SLC12A6: variants seen among roughly 807,000 people sequenced by gnomAD.
The protein encoded by SLC12A6 is solute carrier family 12 member 6.
A neutral mutation model predicts 135.3 loss-of-function variants in SLC12A6; 66 were observed. That is an observed-to-expected ratio of 0.49 (90% CI 0.40 to 0.60). SLC12A6 has a LOEUF of 0.60. SLC12A6 is among the 20% of genes least tolerant of loss of function. SLC12A6 has a pLI of 0.00. For missense variants in SLC12A6, 1,058 were observed against 1,452.3 expected, an observed-to-expected ratio of 0.73 and a Z score of 4.41; for synonymous variants, 513 against 508.8, an observed-to-expected ratio of 1.01 and a Z score of -0.11.
rs1352579405 is a variant in SLC12A6 at position 34,245,345 on chromosome 15, G to A, written c.1883C>T (p.Ala628Val). The change falls in exon 15 of 26, where the codon GCC becomes GTC. Residue 628 changes from alanine (A) to valine (V), a missense_variant. Physicochemically the swap from Ala to Val is moderately conservative, Grantham distance 64. Coordinates refer to ENST00000354181, the MANE Select transcript of SLC12A6 (RefSeq NM_001365088.1). ...EPTWALLLTA[A>V]IAELGILIAS... ...AATGAGTATTCCAAGCTCTGCAATGGCAGCAGTTAGAAGTAAAGCCCAGGT... is the reference window on the plus strand; with the variant it reads ...AATGAGTATTCCAAGCTCTGCAATGACAGCAGTTAGAAGTAAAGCCCAGGT... The A allele has an allele frequency of 1.2e-6, 2 of 1,613,638 alleles. No homozygotes were observed. Among genetic ancestry groups the A allele is most frequent in the Admixed American group, 3.3e-5 (2 of 60,020 alleles).
intron 2 of SLC12A6, among the ~76,000 whole-genome samples, chr15:34,281,185 G>T (rs1333208936): frequency 6.6e-6 from 1 of 152,100 alleles, no homozygotes; most frequent in Non-Finnish European, 1.5e-5. Context: ...CAAATAGCTA[G>T]GAGGAGGATA....
At chr15:34,252,111 A>C in intron 10 of SLC12A6, 59 bp downstream of exon 10, 1 of 827,114 alleles carries the variant, frequency 1.2e-6, no homozygotes, top group East Asian at 2.6e-5. Flanking sequence ...ATCTAAGATG[A>C]CAAGGCCTAT....
At chr15:34,295,171 A>G (rs1396358554) in intron 2 of SLC12A6, among the ~76,000 whole-genome samples, 1 of 152,178 alleles carries the variant, frequency 6.6e-6, no homozygotes, top group Admixed American at 6.5e-5. Context: ...TCCATTTTAC[A>G]GGAAAGGCAA....
chr15:34,242,986 C>G (rs952597428), intron 16 of SLC12A6, among the ~76,000 whole-genome samples: 1 of 152,100 alleles, frequency 6.6e-6, no homozygotes, highest in Non-Finnish European at 1.5e-5. Flanking sequence ...CTCCGACTCC[C>G]GGGTTCAAGC....
chr15:34,312,841 T>C (rs1477619730), intron 2 of SLC12A6, among the ~76,000 whole-genome samples: 1 of 152,256 alleles, frequency 6.6e-6, no homozygotes, highest in South Asian at 2.1e-4. Flanking sequence ...ATTCTTACAA[T>C]ATTTCTAACT....
intron 2 of SLC12A6, among the ~76,000 whole-genome samples, chr15:34,280,216 G>A (rs1037472214): frequency 1.3e-5 from 2 of 152,160 alleles, no homozygotes; most frequent in African/African-American, 4.8e-5. Flanking sequence ...CTGGTATCTT[G>A]TAGCTAAAAC....
chr15:34,289,739 T>G (rs1225647627), intron 2 of SLC12A6, among the ~76,000 whole-genome samples: 1 of 152,228 alleles, frequency 6.6e-6, no homozygotes, highest in Non-Finnish European at 1.5e-5. Flanking sequence ...TTTATCCATT[T>G]CTTCTAGATT....
At chr15:34,337,301 G>C (rs893626059) in intron 1 of SLC12A6, 31 bp downstream of exon 1, 1 of 162,148 alleles carries the variant, frequency 6.2e-6, no homozygotes, top group Non-Finnish European at 1.4e-5. Context: ...GGTGGGAAAG[G>C]TGCACATGCA....
At chr15:34,248,558 A>AAACC (rs1892156363) in intron 13 of SLC12A6, among the ~76,000 whole-genome samples, 2 of 64,300 alleles carry the variant, frequency 3.1e-5, no homozygotes, top group Non-Finnish European at 3.5e-5. Context: ...ATACATATAT[A>AAACC]CACCCCCACC....
chr15:34,250,158 G>T (rs1892286485), intron 13 of SLC12A6, 140 bp downstream of exon 13: 2 of 731,018 alleles, frequency 2.7e-6, no homozygotes, highest in Non-Finnish European at 5.1e-6. Context: ...ACCTGCCTTG[G>T]CCTCCCAAAG....
At chr15:34,307,907 G>A (rs1887846524) in intron 2 of SLC12A6, among the ~76,000 whole-genome samples, 1 of 152,084 alleles carries the variant, frequency 6.6e-6, no homozygotes, top group South Asian at 2.1e-4. Flanking sequence ...CATGTTGATG[G>A]AAAGAATACA....
intron 2 of SLC12A6, among the ~76,000 whole-genome samples, chr15:34,281,605 T>G (rs760057290): frequency 9.2e-5 from 14 of 152,060 alleles, no homozygotes; most frequent in Non-Finnish European, 1.9e-4. Context: ...CTGGCCAACA[T>G]GGTGAAACCC....
At chr15:34,300,430 G>T (rs1466967840) in intron 2 of SLC12A6, among the ~76,000 whole-genome samples, 1 of 152,012 alleles carries the variant, frequency 6.6e-6, no homozygotes, top group African/African-American at 2.4e-5. Flanking sequence ...ATTTATGGTG[G>T]TATCAGTTTT....
intron 2 of SLC12A6, among the ~76,000 whole-genome samples, chr15:34,303,545 C>T (rs1436524488): frequency 6.6e-6 from 1 of 152,026 alleles, no homozygotes; most frequent in Non-Finnish European, 1.5e-5. Flanking sequence ...CATTTTGAAA[C>T]ATAAACTACA....
At chr15:34,262,636 G>A (rs554594208) in intron 3 of SLC12A6, among the ~76,000 whole-genome samples, 16 of 152,296 alleles carry the variant, frequency 1.1e-4, no homozygotes, top group African/African-American at 3.8e-4. Context: ...GCTGCAGATG[G>A]TGGGACTAAA....
intron 2 of SLC12A6, among the ~76,000 whole-genome samples, chr15:34,287,891 T>G (rs1595504017): frequency 6.6e-6 from 1 of 152,208 alleles, no homozygotes; most frequent in African/African-American, 2.4e-5. Flanking sequence ...CTTTGTCAGA[T>G]GGATAGATAG....
chr15:34,268,309 T>A (rs960583762), intron 3 of SLC12A6, among the ~76,000 whole-genome samples: 3 of 152,156 alleles, frequency 2.0e-5, no homozygotes, highest in Admixed American at 6.5e-5. Context: ...TTTAGAAAGG[T>A]AGAAGAATAT....
chr15:34,259,999 G>A (rs1260667050), intron 4 of SLC12A6, among the ~76,000 whole-genome samples: 2 of 152,106 alleles, frequency 1.3e-5, no homozygotes, highest in Non-Finnish European at 2.9e-5. Flanking sequence ...GGAGAAATAA[G>A]TTTTTGAGAT....
intron 2 of SLC12A6, among the ~76,000 whole-genome samples, chr15:34,287,346 G>A (rs899502325): frequency 6.6e-6 from 1 of 152,178 alleles, no homozygotes; most frequent in Non-Finnish European, 1.5e-5. Context: ...ATTCCATGGT[G>A]TATATGTGCC....
Sources: gnomAD v4.1 joint callset for allele counts (sites outside exome capture counted in the v4.1 genomes callset) on GRCh38, gnomAD v4.1.1 for gene constraint, MANE v1.5 for transcripts, NCBI Gene and HGNC (gene_info 2026-07-23, HGNC 2026-07-21) for gene names.